The following PRKDC variants were observed in gnomAD, a reference collection of about 807,000 sequenced individuals.
The protein encoded by PRKDC is DNA-dependent protein kinase catalytic subunit.
A neutral mutation model predicts 486.9 loss-of-function variants in PRKDC; 82 were observed. The observed-to-expected ratio is 0.17, with a 90% CI of 0.14 to 0.20. The LOEUF is 0.20. Among genes scored for constraint, PRKDC ranks in the 10% least tolerant of loss-of-function variants. PRKDC has a pLI of 1.00. For missense variants in PRKDC, 4,504 were observed against 5,038.2 expected, an observed-to-expected ratio of 0.89 and a Z score of 3.21; for synonymous variants, 1,895 against 1,837.0, an observed-to-expected ratio of 1.03 and a Z score of -0.81.
At chr8:47,801,640 T>C (rs1223978855) in intron 70 of PRKDC, among the ~76,000 whole-genome samples, 2 of 152,244 alleles carry the variant, frequency 1.3e-5, no homozygotes, top group Non-Finnish European at 2.9e-5. Context: ...TTTGTACATA[T>C]ATTAATAATC....
chr8:47,821,784 A>G lies in PRKDC; in HGVS notation c.8931T>C (p.Asn2977=). The G allele has an allele frequency of 6.4e-7, 1 of 1,559,406 alleles. No homozygotes were observed. The highest frequency in any genetic ancestry group is 1.4e-5 in the African/African-American group (1 of 72,154). ...GCTCACCATCTACCCAGTCTTGTTT[A>G]TTGAGAGCCTAGTGGAGAAAAGTTA... ...EAAKQYDEAL[N]KQDWVDGEPT... Residue 2977 remains asparagine, a synonymous_variant, in exon 65 of 86, where the codon AAT becomes AAC. Coordinates refer to ENST00000314191, the MANE Select transcript of PRKDC (RefSeq NM_006904.7).
Position 47,885,903 on chromosome 8 carries a change from C to CA in PRKDC, c.4776+40dup, listed in dbSNP as rs1428690786. On this transcript the variant is annotated intron_variant, in intron 36 of 85. Transcript: ENST00000314191. ...CAAGACTCTGTCTCAAACAAACAAA[C>CA]AAACAAAAAAAACAGTTTATTTAAA... 7 of 1,582,664 alleles carry CA rather than the reference C, an allele frequency of 4.4e-6. No homozygotes were observed. The African/African-American group carries it at 5.4e-5, about 12-fold the overall frequency.
chr8:47,932,601 T>A (rs914413811), intron 16 of PRKDC, among the ~76,000 whole-genome samples: 1 of 152,166 alleles, frequency 6.6e-6, no homozygotes, highest in Admixed American at 6.5e-5. Context: ...CTTCCTATTA[T>A]CTATATTTTC....
chr8:47,837,525 A>C, intron 56 of PRKDC, 106 bp from the exon 57 acceptor site: 1 of 852,044 alleles, frequency 1.2e-6, no homozygotes, highest in Non-Finnish European at 1.8e-6. Flanking sequence ...CACCCACATG[A>C]AGCTTAACAG....
chr8:47,946,789 C>G (rs1194864786), intron 7 of PRKDC, among the ~76,000 whole-genome samples: 1 of 152,122 alleles, frequency 6.6e-6, no homozygotes, highest in Non-Finnish European at 1.5e-5. Flanking sequence ...ATATCCAACA[C>G]AAAAGGCCAG....
At position 47,839,255 on chromosome 8, in the gene PRKDC, G is replaced by GA; in HGVS notation, c.7455-10dup. The GA allele has an allele frequency of 6.3e-7, 1 of 1,590,358 alleles. No individual in the cohort carries two copies. Among genetic ancestry groups the GA allele is most frequent in the Middle Eastern group, 1.7e-4 (1 of 6,030 alleles). ...TCTCACTTTCTGGATCTCTGCTTGA[G>GA]AAAACAGCAAAATGTCACAACATTA... is the stretch of plus-strand genomic sequence containing the variant. On this transcript the variant is annotated splice_polypyrimidine_tract_variant and intron_variant, in intron 55 of 85. Coordinates refer to ENST00000314191, the MANE Select transcript of PRKDC (RefSeq NM_006904.7).
At chr8:47,919,460 G>T (rs1182787551) in intron 21 of PRKDC, among the ~76,000 whole-genome samples, 1 of 152,208 alleles carries the variant, frequency 6.6e-6, no homozygotes, top group Admixed American at 6.5e-5. Flanking sequence ...TCTCTGCAGA[G>T]TCATAGTTCT....
At position 47,778,864 on chromosome 8, in the gene PRKDC, A is replaced by C. The variant is rs964142152; in HGVS notation, c.11580-65T>G. 19 of 1,521,842 alleles carry C rather than the reference A, an allele frequency of 1.2e-5. No individual in the cohort carries two copies. In the Admixed American group the frequency reaches 2.6e-4, roughly 21 times the overall value. 94.3% of individuals were successfully genotyped at this position (1,521,842 alleles called of 1,614,324 possible). On this transcript the variant is annotated intron_variant, in intron 81 of 85. Transcript: ENST00000314191. ...TCTCTGACTTAAAATTTAAATTTTA[A>C]AACTTTTTGTTTATATTGAGACTCA...
intron 40 of PRKDC, among the ~76,000 whole-genome samples, chr8:47,871,096 C>G (rs2088941680): frequency 6.6e-6 from 1 of 152,008 alleles, no homozygotes; most frequent in African/African-American, 2.4e-5. Context: ...AGAAAAGAGC[C>G]TCAAAAGGGC....
chr8:47,912,332 C>T, intron 25 of PRKDC, 78 bp downstream of exon 25: 2 of 1,392,000 alleles, frequency 1.4e-6, no homozygotes, highest in Non-Finnish European at 1.9e-6. Flanking sequence ...CAGGTAATTC[C>T]ACTGCTCTGC....
chr8:47,928,027 T>C, intron 19 of PRKDC, 137 bp from the exon 20 acceptor site: 1 of 721,164 alleles, frequency 1.4e-6, no homozygotes, highest in African/African-American at 1.8e-5. Context: ...CACTTACAAA[T>C]TACACACTAA....
At chr8:47,917,154 C>CTGAGGCGGGAGGATCACT (rs1373184030) in intron 22 of PRKDC, among the ~76,000 whole-genome samples, 1 of 152,102 alleles carries the variant, frequency 6.6e-6, no homozygotes, top group Non-Finnish European at 1.5e-5. Context: ...ACTCGGGTGG[C>CTGAGGCGGGAGGATCACT]TGAGGCGGGA....
At chr8:47,911,555 C>T (rs1589786405) in intron 25 of PRKDC, among the ~76,000 whole-genome samples, 1 of 152,178 alleles carries the variant, frequency 6.6e-6, no homozygotes, top group Admixed American at 6.5e-5. Flanking sequence ...ACTATATCCA[C>T]TCATGTATAC....
intron 56 of PRKDC, among the ~76,000 whole-genome samples, chr8:47,838,761 T>G (rs939307412): frequency 5.9e-5 from 9 of 152,248 alleles, no homozygotes; most frequent in African/African-American, 2.2e-4. Context: ...TATTACAGTT[T>G]CCTCTCATTT....
intron 40 of PRKDC, among the ~76,000 whole-genome samples, chr8:47,872,194 T>C (rs536961749): frequency 1.8e-4 from 27 of 152,328 alleles, no homozygotes; most frequent in African/African-American, 6.3e-4. Flanking sequence ...TGTTTGTTTA[T>C]CCAATCAGTG....
chr8:47,824,593 T>G (rs761920557), intron 63 of PRKDC, among the ~76,000 whole-genome samples: 1 of 152,042 alleles, frequency 6.6e-6, no homozygotes, highest in Non-Finnish European at 1.5e-5. Context: ...GGCGAACCAT[T>G]TGGAATCCTT....
At chr8:47,830,985 A>T (rs1198348062) in intron 60 of PRKDC, among the ~76,000 whole-genome samples, 1 of 152,178 alleles carries the variant, frequency 6.6e-6, no homozygotes, top group Non-Finnish European at 1.5e-5. Context: ...TAAAATCGGA[A>T]AATTTGATTT....
chr8:47,926,474 A>G (rs1030006982), intron 21 of PRKDC, among the ~76,000 whole-genome samples: 19 of 152,190 alleles, frequency 1.2e-4, no homozygotes, highest in Admixed American at 1.2e-3. Flanking sequence ...TTTTGGCCTC[A>G]TGAAGAAAAA....
At chr8:47,930,152 T>C in intron 17 of PRKDC, 140 bp from the exon 18 acceptor site, 2 of 675,656 alleles carry the variant, frequency 3.0e-6, no homozygotes, top group Non-Finnish European at 4.7e-6. Flanking sequence ...GTTATATCTA[T>C]AATCCATTTT....
Sources: gnomAD v4.1 joint callset for allele counts (sites outside exome capture counted in the v4.1 genomes callset) on GRCh38, gnomAD v4.1.1 for gene constraint, MANE v1.5 for transcripts, NCBI Gene and HGNC (gene_info 2026-07-23, HGNC 2026-07-21) for gene names.